Variants in CACNA2D1 observed in about 807,000 individuals in gnomAD.
CACNA2D1 encodes the protein calcium voltage-gated channel auxiliary subunit alpha2delta 1.
In CACNA2D1, 53 loss-of-function variants were observed where a neutral mutation model predicts 171.5. The observed-to-expected ratio is 0.31, with a 90% CI of 0.25 to 0.39. The LOEUF (loss-of-function observed/expected upper bound fraction) is 0.39. CACNA2D1 is among the 10% of genes least tolerant of loss of function. The pLI, the probability that CACNA2D1 is intolerant of heterozygous loss-of-function variation, is 1.00. For missense variants in CACNA2D1, 903 were observed against 1,299.8 expected, an observed-to-expected ratio of 0.69 and a Z score of 4.69; for synonymous variants, 442 against 443.1, an observed-to-expected ratio of 1.00 and a Z score of 0.03.
intron 12 of CACNA2D1, among the ~76,000 whole-genome samples, chr7:82,020,025 CTATATCT>C (rs1246427400): frequency 6.6e-6 from 1 of 152,104 alleles, no homozygotes; most frequent in Non-Finnish European, 1.5e-5. Context: ...TTTGACTAGC[CTATATCT>C]CCAGTTTTAT....
At chr7:82,171,956 T>C (rs1299237980) in intron 3 of CACNA2D1, among the ~76,000 whole-genome samples, 2 of 151,846 alleles carry the variant, frequency 1.3e-5, no homozygotes, top group African/African-American at 2.4e-5. Flanking sequence ...GACCAGTTTT[T>C]ATATTAATGT....
At chr7:81,986,850 C>A (rs1369884622) in intron 21 of CACNA2D1, among the ~76,000 whole-genome samples, 4 of 152,112 alleles carry the variant, frequency 2.6e-5, no homozygotes, top group Non-Finnish European at 4.4e-5. Context: ...GATTCACTTG[C>A]CATTTACAAA....
intron 3 of CACNA2D1, among the ~76,000 whole-genome samples, chr7:82,319,104 T>A (rs1396496478): frequency 6.6e-6 from 1 of 152,340 alleles, no homozygotes; most frequent in Non-Finnish European, 1.5e-5. Context: ...TAGAAGTATG[T>A]TGAAAGGATT....
chr7:82,104,881 T>C (rs1453341296), intron 6 of CACNA2D1, among the ~76,000 whole-genome samples: 2 of 152,104 alleles, frequency 1.3e-5, no homozygotes, highest in East Asian at 3.8e-4. Flanking sequence ...TTGCATGGTC[T>C]TTTAAAATTA....
At chr7:82,033,403 T>C (rs17155751) in intron 11 of CACNA2D1, among the ~76,000 whole-genome samples, 43,115 of 151,894 alleles carry the variant, frequency 0.28, 6,366 homozygotes, top group Middle Eastern at 0.48. Flanking sequence ...AAATGAGCTT[T>C]TAATAAATGT....
intron 1 of CACNA2D1, among the ~76,000 whole-genome samples, chr7:82,392,417 C>T (rs184620378): frequency 4.6e-5 from 7 of 152,314 alleles, no homozygotes; most frequent in South Asian, 2.1e-4. Context: ...CTTCAGTTGT[C>T]GGAGTAACCT....
At chr7:82,027,043 T>C (rs1250817275) in intron 12 of CACNA2D1, among the ~76,000 whole-genome samples, 1 of 151,620 alleles carries the variant, frequency 6.6e-6, no homozygotes, top group Non-Finnish European at 1.5e-5. Flanking sequence ...ATAGTGGTTA[T>C]CAGAGGCTGA....
At chr7:82,431,765 C>T (rs372735308) in intron 1 of CACNA2D1, among the ~76,000 whole-genome samples, 4 of 145,906 alleles carry the variant, frequency 2.7e-5, no homozygotes, top group South Asian at 4.5e-4. Flanking sequence ...TGAGGCCAGG[C>T]GCAGTGGCTC....
At position 82,066,780 on chromosome 7, in the gene CACNA2D1, T is replaced by C. The variant is rs79063646; in HGVS notation, c.659-256A>G. ...CAGAAATAAATTTACACATACAGTTTTTCCGGGTGCTAACTTAATATGTTT... is the reference window on the plus strand; with the variant it reads ...CAGAAATAAATTTACACATACAGTTCTTCCGGGTGCTAACTTAATATGTTT... On this transcript the variant is annotated intron_variant, in intron 7 of 38. Transcript: ENST00000356860. 0.022 allele frequency among the ~76,000 whole-genome samples: 3,311 copies of C among 152,206 alleles called. 117 individuals are homozygous for C. Among genetic ancestry groups the C allele is most frequent in the African/African-American group, 0.076 (3,151 of 41,528 alleles).
chr7:82,313,672 T>C (rs1468088179), intron 3 of CACNA2D1, among the ~76,000 whole-genome samples: 7 of 152,236 alleles, frequency 4.6e-5, no homozygotes, highest in Admixed American at 4.6e-4. Flanking sequence ...TCTGTATGAC[T>C]TCTCTGCACA....
intron 1 of CACNA2D1, among the ~76,000 whole-genome samples, chr7:82,406,397 G>A (rs1827049548): frequency 6.6e-6 from 1 of 152,040 alleles, no homozygotes; most frequent in Admixed American, 6.6e-5. Flanking sequence ...TAATCCTTTG[G>A]GTATATACCC....
intron 3 of CACNA2D1, among the ~76,000 whole-genome samples, chr7:82,263,777 G>A (rs774667210): frequency 5.0e-4 from 76 of 152,100 alleles, no homozygotes; most frequent in Non-Finnish European, 9.4e-4. Context: ...CAAAAGCAAA[G>A]GTATGTTTGA....
At chr7:81,990,176 G>A (rs1014738470) in intron 21 of CACNA2D1, among the ~76,000 whole-genome samples, 3 of 152,064 alleles carry the variant, frequency 2.0e-5, no homozygotes, top group African/African-American at 7.2e-5. Flanking sequence ...TGTTTTCCAT[G>A]GACCTAGCCA....
intron 1 of CACNA2D1, among the ~76,000 whole-genome samples, chr7:82,366,903 CTTTTTTT>C (rs71093376): frequency 1.2e-5 from 1 of 86,944 alleles, no homozygotes; most frequent in Non-Finnish European, 2.3e-5. Flanking sequence ...TGGTTTTGAC[CTTTTTTT>C]TTTTTTTTTT....
chr7:81,988,177 G>A (rs1225772023), intron 21 of CACNA2D1, among the ~76,000 whole-genome samples: 6 of 152,094 alleles, frequency 3.9e-5, no homozygotes, highest in African/African-American at 1.4e-4. Flanking sequence ...ATTCTCATAC[G>A]ATGCCCTGAT....
chr7:82,328,830 TAC>T (rs1286634084), intron 3 of CACNA2D1, among the ~76,000 whole-genome samples: 3 of 152,148 alleles, frequency 2.0e-5, no homozygotes, highest in African/African-American at 7.2e-5. Context: ...TCCTTAACAC[TAC>T]AGTCTTTATT....
intron 3 of CACNA2D1, among the ~76,000 whole-genome samples, chr7:82,253,868 T>C (rs1207030839): frequency 1.3e-5 from 2 of 152,122 alleles, no homozygotes; most frequent in Non-Finnish European, 2.9e-5. Context: ...AGATGGCAGA[T>C]TTTTTTTGGA....
At chr7:82,368,940 TTGAAATATTTTTAAGTAGAGAA>T (rs1167065635) in intron 1 of CACNA2D1, among the ~76,000 whole-genome samples, 3 of 152,148 alleles carry the variant, frequency 2.0e-5, no homozygotes, top group East Asian at 3.9e-4. Context: ...ATGAAGAAGT[TTGAAATATTTTTAAGTAGAGAA>T]TGTTACTAAT....
At chr7:82,367,109 C>T (rs1432482591) in intron 1 of CACNA2D1, among the ~76,000 whole-genome samples, 1 of 151,510 alleles carries the variant, frequency 6.6e-6, no homozygotes, top group Non-Finnish European at 1.5e-5. Context: ...AGGGCCTCAC[C>T]ATGTTGCCCA....
Sources: gnomAD v4.1 joint callset for allele counts (sites outside exome capture counted in the v4.1 genomes callset) on GRCh38, gnomAD v4.1.1 for gene constraint, MANE v1.5 for transcripts, NCBI Gene and HGNC (gene_info 2026-07-23, HGNC 2026-07-21) for gene names.